The following STOX2 variants were observed in gnomAD, a reference collection of about 807,000 sequenced individuals.
STOX2 encodes the protein storkhead box 2, also known as storkhead-box protein 2.
In STOX2, 28 loss-of-function variants were observed where a neutral mutation model predicts 60.9. The observed-to-expected ratio is 0.46, with a 90% CI of 0.34 to 0.63. The LOEUF is 0.63. STOX2 is among the 30% of genes least tolerant of loss of function. The pLI is 0.01. For missense variants in STOX2, 1,024 were observed against 1,187.7 expected, an observed-to-expected ratio of 0.86 and a Z score of 2.03; for synonymous variants, 472 against 463.9, an observed-to-expected ratio of 1.02 and a Z score of -0.22.
chr4:183,859,584 C>A (rs1740383165), intron 1 of STOX2, among the ~76,000 whole-genome samples: 1 of 152,230 alleles, frequency 6.6e-6, no homozygotes, highest in Non-Finnish European at 1.5e-5. Context: ...AGGGTATGAA[C>A]AGGCTTACGG....
intron 1 of STOX2, among the ~76,000 whole-genome samples, chr4:183,890,321 A>G (rs754016868): frequency 5.9e-5 from 9 of 152,220 alleles, no homozygotes; most frequent in Middle Eastern, 3.4e-3. Flanking sequence ...CGTCTCTACT[A>G]AAAATACAAA....
intron 1 of STOX2, among the ~76,000 whole-genome samples, chr4:183,818,728 C>T (rs1020237750): frequency 2.3e-4 from 35 of 150,986 alleles, no homozygotes; most frequent in African/African-American, 8.5e-4. Flanking sequence ...CGGGGGCTGA[C>T]TCCCCACCTC....
chr4:183,993,454 A>G (rs548605131), intron 1 of STOX2, among the ~76,000 whole-genome samples: 9 of 152,322 alleles, frequency 5.9e-5, no homozygotes, highest in African/African-American at 1.7e-4. Flanking sequence ...TTTCTTAGTA[A>G]GTAATAGCTA....
intron 1 of STOX2, among the ~76,000 whole-genome samples, chr4:183,863,356 G>A (rs1431690832): frequency 1.3e-5 from 2 of 152,302 alleles, no homozygotes; most frequent in East Asian, 3.9e-4. Flanking sequence ...CTTGGAAAAC[G>A]CCAGCTGAGA....
chr4:183,958,832 T>A (rs1252447509), intron 1 of STOX2, among the ~76,000 whole-genome samples: 1 of 152,198 alleles, frequency 6.6e-6, no homozygotes, highest in Non-Finnish European at 1.5e-5. Flanking sequence ...TTCCTTGAAG[T>A]TTCTCTTCCT....
intron 1 of STOX2, among the ~76,000 whole-genome samples, chr4:183,941,289 C>T (rs1055692242): frequency 2.0e-5 from 3 of 152,036 alleles, no homozygotes; most frequent in Admixed American, 2.0e-4. Context: ...ATTTTGTGGC[C>T]AGGCACGGTG....
intron 1 of STOX2, among the ~76,000 whole-genome samples, chr4:183,999,124 T>C (rs1302003363): frequency 6.6e-6 from 1 of 152,088 alleles, no homozygotes; most frequent in Non-Finnish European, 1.5e-5. Context: ...AAAAAGGATA[T>C]GACAAATCTT....
rs899851772 is a variant in STOX2 at position 184,020,516 on chromosome 4, G to C, written c.*3232G>C. 6.6e-6 allele frequency: 1 copy of C among 152,196 alleles called. No individual in the cohort carries two copies. The highest frequency in any genetic ancestry group is 1.5e-5 in the Non-Finnish European group (1 of 68,046). 9.4% of individuals were successfully genotyped at this position (152,196 alleles called of 1,614,324 possible). Reference sequence around the variant, plus strand: ...ACACACAAGCAATGTGGACTGCCAAGCTTGAAGCACTTCGGGCTCTGCCTT... The same window carrying C: ...ACACACAAGCAATGTGGACTGCCAACCTTGAAGCACTTCGGGCTCTGCCTT... On this transcript the variant is annotated 3_prime_UTR_variant, in exon 4 of 4. Transcript: ENST00000308497.
chr4:183,993,088 G>C (rs1013632040), intron 1 of STOX2, among the ~76,000 whole-genome samples: 10 of 152,238 alleles, frequency 6.6e-5, no homozygotes, highest in Non-Finnish European at 1.0e-4. Context: ...CGGTGGGGAA[G>C]GTGGCTCTTG....
At chr4:183,985,075 A>G (rs1295090646) in intron 1 of STOX2, among the ~76,000 whole-genome samples, 1 of 152,126 alleles carries the variant, frequency 6.6e-6, no homozygotes, top group East Asian at 1.9e-4. Context: ...TGGTCCTTCA[A>G]TAAAAGTCTA....
intron 1 of STOX2, among the ~76,000 whole-genome samples, chr4:183,897,261 C>T (rs1040862296): frequency 6.6e-6 from 1 of 152,082 alleles, no homozygotes. Context: ...GGAGAAAGCC[C>T]GTTATTTGTC....
At chr4:183,970,934 A>G (rs1325528872) in intron 1 of STOX2, among the ~76,000 whole-genome samples, 1 of 152,222 alleles carries the variant, frequency 6.6e-6, no homozygotes, top group Admixed American at 6.5e-5. Context: ...TCGCTATGAC[A>G]TACTAATATA....
intron 1 of STOX2, among the ~76,000 whole-genome samples, chr4:183,843,370 C>A (rs1356924903): frequency 6.6e-6 from 1 of 152,148 alleles, no homozygotes; most frequent in Non-Finnish European, 1.5e-5. Context: ...AAGATGAAAT[C>A]ATTTTTATGC....
chr4:183,814,218 G>C (rs1739100568), intron 1 of STOX2, among the ~76,000 whole-genome samples: 1 of 152,072 alleles, frequency 6.6e-6, no homozygotes. Context: ...TATCTATGAA[G>C]GTTATGAAGC....
chr4:183,859,166 C>T (rs925368804), intron 1 of STOX2, among the ~76,000 whole-genome samples: 3 of 152,192 alleles, frequency 2.0e-5, no homozygotes, highest in African/African-American at 4.8e-5. Flanking sequence ...TGGGATCCCA[C>T]GGTGCCTTGC....
At chr4:183,857,810 T>G (rs78482265) in intron 1 of STOX2, among the ~76,000 whole-genome samples, 2,093 of 152,232 alleles carry the variant, frequency 0.014, 29 homozygotes, top group African/African-American at 0.043. Flanking sequence ...TCGATGCTGT[T>G]GGCGGCACAG....
intron 1 of STOX2, among the ~76,000 whole-genome samples, chr4:183,985,964 G>A (rs977388414): frequency 3.3e-5 from 5 of 152,196 alleles, no homozygotes; most frequent in African/African-American, 1.2e-4. Context: ...AACACAGCCA[G>A]ACTTAAAGAG....
rs553968019 is a variant in STOX2 at position 183,983,937 on chromosome 4, C to T, written c.167-17388C>T. ...GGGATTACAGGCATGAGCCACCGTG[C>T]GCCATGTTCTGAATCTGACCTTGGG... On this transcript the variant is annotated intron_variant, in intron 1 of 3. Coordinates refer to ENST00000308497, the MANE Select transcript of STOX2 (RefSeq NM_020225.3). 7.2e-4 allele frequency among the ~76,000 whole-genome samples: 109 copies of T among 152,274 alleles called. 1 individual carries two copies. Among genetic ancestry groups the T allele is most frequent in the African/African-American group, 2.5e-3 (104 of 41,558 alleles).
intron 3 of STOX2, chr4:184,015,226 G>A (rs1426113510): frequency 6.6e-6 from 1 of 152,160 alleles, no homozygotes; most frequent in Non-Finnish European, 1.5e-5. Context: ...CCAAAGGAAT[G>A]TGTCTTGAAA....
Sources: gnomAD v4.1 joint callset for allele counts (sites outside exome capture counted in the v4.1 genomes callset) on GRCh38, gnomAD v4.1.1 for gene constraint, MANE v1.5 for transcripts, NCBI Gene and HGNC (gene_info 2026-07-23, HGNC 2026-07-21) for gene names.